CDH26: variants seen among roughly 807,000 people sequenced by gnomAD.
CDH26 encodes cadherin-like protein 26.
In CDH26, 83 loss-of-function variants were observed where a neutral mutation model predicts 90.3. That is an observed-to-expected ratio of 0.92 (90% CI 0.77 to 1.10). The LOEUF is 1.10. Among genes scored for constraint, CDH26 ranks in the 50% least tolerant of loss-of-function variants. CDH26 has a pLI of 0.00. For missense variants in CDH26, 1,013 were observed against 1,037.6 expected (o/e 0.98, Z 0.33); for synonymous variants, 397 against 396.3 (o/e 1.00, Z -0.02).
At chr20:60,033,434 A>G (rs1027431818) in intron 8 of CDH26, 132 of 1,284,510 alleles carry the variant, frequency 1.0e-4, no homozygotes, top group Non-Finnish European at 1.2e-4. Flanking sequence ...CTGTGTTACC[A>G]TTTTGCCTAC....
At position 60,030,455 on chromosome 20, in the gene CDH26, T is replaced by G. The variant is rs1466379975; in HGVS notation, c.948-776T>G. On this transcript the variant is annotated intron_variant, in intron 7 of 8. Coordinates refer to the CDH26 transcript ENST00000370991. The surrounding 1 kb of genome is among the most constrained non-coding windows in gnomAD (Gnocchi z 4.0). ...CCCTTCACCTTCTTCTAGGAAAACA[T>G]CTGGACTTCCTTTGGGTAGTTCCCC... Among the ~76,000 whole-genome samples, 3 of 152,150 alleles carry G rather than the reference T, an allele frequency of 2.0e-5. No individual in the cohort carries two copies. Among genetic ancestry groups the G allele is most frequent in the Non-Finnish European group, 4.4e-5 (3 of 68,032 alleles).
Position 60,002,853 on chromosome 20 carries a change from T to TA in CDH26, c.2208dup (p.His737ThrfsTer40). 1 of 1,598,158 alleles carries TA rather than the reference T, an allele frequency of 6.3e-7. No individual in the cohort carries two copies. Among genetic ancestry groups the TA allele is most frequent in the Non-Finnish European group, 8.5e-7 (1 of 1,170,002 alleles). ...TTTGAGCCAAGAAGTGTGAAAAACA[T>TA]ACACTCTACTCCTGTAAGTATAGAT... On this transcript the variant is annotated frameshift_variant, in exon 16 of 18. Transcript: ENST00000348616. LOFTEE classifies it high-confidence loss of function.
chr20:60,003,431 A>T (rs1414325765), intron 16 of CDH26, among the ~76,000 whole-genome samples: 2 of 152,218 alleles, frequency 1.3e-5, no homozygotes, highest in African/African-American at 4.8e-5. Context: ...TTAACTTAAC[A>T]CCTAATTCAT....
At chr20:60,024,241 C>T (rs2061979831) in intron 7 of CDH26, among the ~76,000 whole-genome samples, 1 of 152,178 alleles carries the variant, frequency 6.6e-6, no homozygotes, top group African/African-American at 2.4e-5. Flanking sequence ...CGCTGTGTAG[C>T]CTCAGGAAGG....
intron 17 of CDH26, 80 bp downstream of exon 17, chr20:60,006,867 C>A: frequency 9.6e-7 from 1 of 1,039,196 alleles, no homozygotes; most frequent in South Asian, 1.3e-5. Flanking sequence ...TTTGGGGACA[C>A]TTCCTCCTAA....
intron 1 of CDH26, among the ~76,000 whole-genome samples, chr20:59,963,971 G>T (rs2061112882): frequency 6.6e-6 from 1 of 152,098 alleles, no homozygotes; most frequent in Non-Finnish European, 1.5e-5. Flanking sequence ...TCGGCTCTCA[G>T]AACTGGAAAT....
At position 59,991,249 on chromosome 20, in the gene CDH26, G is replaced by C. The variant is rs182626907; in HGVS notation, c.1284-1129G>C. 1.1e-4 allele frequency among the ~76,000 whole-genome samples: 16 copies of C among 152,294 alleles called. No individual in the cohort carries two copies. In the East Asian group the frequency reaches 3.1e-3, roughly 29 times the overall value. On this transcript the variant is annotated intron_variant, in intron 9 of 17. Transcript: ENST00000348616. ...CATTGCTGTCTTCCTGTCTCTTGAG[G>C]ATGGTTGGCTCATACTTAGGTCTCA...
chr20:60,021,415 C>G (rs897691204), intron 7 of CDH26, among the ~76,000 whole-genome samples: 1 of 152,140 alleles, frequency 6.6e-6, no homozygotes. Context: ...GCCCACAAAG[C>G]CTTCATATTT....
Position 59,983,005 on chromosome 20 carries a change from A to C in CDH26, c.476A>C (p.Asn159Thr). The change falls in exon 5 of 18, where the codon AAT becomes ACT. Residue 159 changes from asparagine to threonine, a missense_variant. Asn to Thr is a moderately conservative substitution (Grantham distance 65, BLOSUM62 0). Transcript: ENST00000348616. ...TTCAACATTAGGATCAGTGATGTGA[A>C]TGATCATGCACCCCAGTTTCCAGAG... The part of the protein sequence containing the change: ...LIFNIRISDV[N>T]DHAPQFPEKE... The C allele has an allele frequency of 6.2e-7, 1 of 1,614,100 alleles. No homozygotes were observed. Among genetic ancestry groups the C allele is most frequent in the Non-Finnish European group, 8.5e-7 (1 of 1,179,984 alleles).
Position 59,994,304 on chromosome 20 carries a change from A to G in CDH26, c.1481A>G (p.Asn494Ser), listed in dbSNP as rs765045453. ...GTLMLFLSDI[N>S]DNVPTLRPRS... is the part of the protein sequence containing the mutation. ...CTAATGCTCTTCCTGTCTGACATCA[A>G]TGACAACGTCCCGACTCTCCGGCCA... is the stretch of plus-strand genomic sequence containing the variant. The change falls in exon 11 of 18, where the codon AAT (asparagine) becomes AGT (serine). Residue 494 changes from asparagine (N) to serine (S), a missense_variant. Transcript: ENST00000348616. The G allele has an allele frequency of 1.1e-5, 17 of 1,613,604 alleles. No homozygotes were observed. The Admixed American group carries it at 1.3e-4, about 13-fold the overall frequency.
intron 1 of CDH26, among the ~76,000 whole-genome samples, chr20:59,959,331 C>T (rs1327161058): frequency 6.6e-6 from 1 of 151,974 alleles, no homozygotes; most frequent in African/African-American, 2.4e-5. Context: ...AACTCCTAAG[C>T]TCAAGTGATT....
chr20:60,015,144 C>A (rs571618236), downstream of CDH26, among the ~76,000 whole-genome samples: 1 of 152,126 alleles, frequency 6.6e-6, no homozygotes, highest in Non-Finnish European at 1.5e-5. Flanking sequence ...GCCACCACGC[C>A]CAGTTAATTT....
At chr20:59,972,189 A>G in intron 4 of CDH26, 66 bp downstream of exon 4, 12 of 1,491,676 alleles carry the variant, frequency 8.0e-6, no homozygotes, top group Non-Finnish European at 1.1e-5. Context: ...TGTATTTGGT[A>G]AGCATTATTT....
intron 1 of CDH26, among the ~76,000 whole-genome samples, chr20:59,959,258 G>A (rs939261989): frequency 2.0e-5 from 3 of 151,946 alleles, no homozygotes; most frequent in South Asian, 4.1e-4. Context: ...TTACCACCAC[G>A]CTGGCTAATT....
At chr20:59,980,949 G>C (rs1365003049) in intron 4 of CDH26, among the ~76,000 whole-genome samples, 1 of 151,818 alleles carries the variant, frequency 6.6e-6, no homozygotes. Flanking sequence ...ATAGACCCAG[G>C]TTTATTTTTT....
chr20:59,973,736 A>G (rs2061292699), intron 4 of CDH26, among the ~76,000 whole-genome samples: 1 of 152,122 alleles, frequency 6.6e-6, no homozygotes, highest in African/African-American at 2.4e-5. Flanking sequence ...ATTCTTTTTT[A>G]TGGCTGCATA....
chr20:59,958,556 A>G lies in CDH26; in HGVS notation c.-171A>G. Reference sequence around the variant, plus strand: ...ACCCCACTCTGATAAATGCAAGAAAAGCTGAAAAGGGAGGAGCAAGATGGG... The same window carrying G: ...ACCCCACTCTGATAAATGCAAGAAAGGCTGAAAAGGGAGGAGCAAGATGGG... On this transcript the variant is annotated 5_prime_UTR_variant, in exon 1 of 18. Coordinates refer to ENST00000348616, the MANE Select transcript of CDH26 (RefSeq NM_177980.4). The G allele has an allele frequency of 4.5e-6, 3 of 667,614 alleles. No homozygotes were observed. The East Asian group carries it at 7.7e-5, about 17-fold the overall frequency. The allele number at this position is 667,614 out of a possible 1,614,324, so 41.4% of individuals were successfully genotyped here. A position where few individuals can be genotyped will look rare whatever the true frequency, so the allele number is the denominator to read the frequency against.
At chr20:60,010,275 G>A (rs1254532951) in intron 17 of CDH26, among the ~76,000 whole-genome samples, 1 of 152,100 alleles carries the variant, frequency 6.6e-6, no homozygotes, top group African/African-American at 2.4e-5. Flanking sequence ...CCCCAGAGCT[G>A]CCCTTTCCAG....
rs1339218388 is a variant in CDH26, at chr20:60,030,891, C to T, written c.948-340C>T. Reference sequence around the variant, plus strand: ...GTGCTTGATTCAAGTTTTTGGAAACCAGCCCGGAGTGAAAACATTTCCTTC... The same window carrying T: ...GTGCTTGATTCAAGTTTTTGGAAACTAGCCCGGAGTGAAAACATTTCCTTC... On this transcript the variant is annotated intron_variant, in intron 7 of 8. Transcript: ENST00000370991. This position sits in a 1 kb window ranked among gnomAD's most constrained non-coding sequence, Gnocchi z 4.0. 2.0e-5 allele frequency among the ~76,000 whole-genome samples: 3 copies of T among 152,190 alleles called. No individual in the cohort carries two copies. The highest frequency in any genetic ancestry group is 7.2e-5 in the African/African-American group (3 of 41,458).
Sources: gnomAD v4.1 joint callset for allele counts (sites outside exome capture counted in the v4.1 genomes callset) on GRCh38, gnomAD v4.1.1 for gene constraint, Gnocchi (gnomAD v3.1) non-coding constraint, MANE v1.5 for transcripts, NCBI Gene and HGNC (gene_info 2026-07-23, HGNC 2026-07-21) for gene names.